The following ALLC variants were observed in gnomAD, a reference collection of about 807,000 sequenced individuals.
ALLC encodes allantoicase.
A neutral mutation model predicts 45.0 loss-of-function variants in ALLC; 40 were observed. The ratio of observed to expected loss-of-function variants is 0.89; its 90% CI spans 0.69 to 1.16. The LOEUF is 1.16. Ranked by LOEUF, ALLC falls within the 50% of genes most tolerant of loss-of-function variation. The pLI is 0.00. For missense variants in ALLC, 488 were observed against 493.1 expected (o/e 0.99, Z 0.10); for synonymous variants, 176 against 178.1 (o/e 0.99, Z 0.09).
chr2:3,697,812 T>A (rs544763919), intron 10 of ALLC, among the ~76,000 whole-genome samples: 1 of 151,368 alleles, frequency 6.6e-6, no homozygotes, highest in South Asian at 2.1e-4. Flanking sequence ...ATTACAGGCA[T>A]CCTAGACAAT....
At chr2:3,665,914 T>G (rs528029683) in intron 1 of ALLC, among the ~76,000 whole-genome samples, 1 of 152,260 alleles carries the variant, frequency 6.6e-6, no homozygotes, top group Non-Finnish European at 1.5e-5. Flanking sequence ...GAGTGAAGTG[T>G]GGAGGCTGCT....
At chr2:3,690,496 TTAAC>T (rs1422370506) in intron 7 of ALLC, among the ~76,000 whole-genome samples, 1 of 134,668 alleles carries the variant, frequency 7.4e-6, no homozygotes, top group African/African-American at 2.8e-5. Context: ...GCCTTAGTGG[TTAAC>T]TAATTTTCTC....
chr2:3,672,227 AGGAGGTCCTCTGGCTCTGGTTAGATG>A (rs1666898666), intron 2 of ALLC, among the ~76,000 whole-genome samples: 2 of 75,084 alleles, frequency 2.7e-5, no homozygotes, highest in Admixed American at 1.3e-4. Context: ...CTGGTTAGAT[AGGAGGTCCTCTGGCTCTGGTTAGATG>A]GGAGGTCCTC....
At chr2:3,674,882 T>C (rs1666981166) in intron 3 of ALLC, among the ~76,000 whole-genome samples, 1 of 152,234 alleles carries the variant, frequency 6.6e-6, no homozygotes, top group Admixed American at 6.5e-5. Context: ...CTTACCATTT[T>C]ACCACAGGTC....
At chr2:3,669,832 A>G (rs1228438494) in intron 1 of ALLC, among the ~76,000 whole-genome samples, 2 of 152,184 alleles carry the variant, frequency 1.3e-5, no homozygotes, top group East Asian at 1.9e-4. Flanking sequence ...AGGCTGAGGA[A>G]GAGCCAGAGC....
At chr2:3,690,093 G>A (rs1469691352) in intron 7 of ALLC, among the ~76,000 whole-genome samples, 4 of 148,878 alleles carry the variant, frequency 2.7e-5, no homozygotes, top group Non-Finnish European at 4.5e-5. Context: ...TATAGGTCAA[G>A]TGGGTTTCTT....
At chr2:3,659,790 A>T (rs932489660) in intron 1 of ALLC, among the ~76,000 whole-genome samples, 1 of 152,132 alleles carries the variant, frequency 6.6e-6, no homozygotes, top group Non-Finnish European at 1.5e-5. Context: ...TCTCTCGGGA[A>T]CCTCCACGGG....
At chr2:3,668,764 C>T (rs867447491) in intron 1 of ALLC, among the ~76,000 whole-genome samples, 1 of 150,628 alleles carries the variant, frequency 6.6e-6, no homozygotes, top group African/African-American at 2.4e-5. Context: ...TTAGTAGAGA[C>T]GGGGTTTCTC....
At position 3,678,462 on chromosome 2, in the gene ALLC, C is replaced by A. The variant is rs2043078; in HGVS notation, c.85-6C>A. 5.0e-3 allele frequency: 8,010 copies of A among 1,612,102 alleles called. 359 individuals carry two copies. In the African/African-American group the frequency reaches 0.092, roughly 19 times the overall value. On this transcript the variant is annotated splice_polypyrimidine_tract_variant and splice_region_variant and intron_variant, in intron 3 of 11. Coordinates refer to ENST00000252505, the MANE Select transcript of ALLC (RefSeq NM_018436.4). ...AATGATCACCTTGTTGTGGTCTTTGCCCTAGAGTGACAGCCCGTGCTTCAA... is the reference window on the plus strand; with the variant it reads ...AATGATCACCTTGTTGTGGTCTTTGACCTAGAGTGACAGCCCGTGCTTCAA...
chr2:3,666,641 C>T (rs947097753), intron 1 of ALLC, among the ~76,000 whole-genome samples: 6 of 152,264 alleles, frequency 3.9e-5, no homozygotes, highest in South Asian at 2.1e-4. Flanking sequence ...CAGGGCAGCG[C>T]GCAGTCAGCA....
At chr2:3,656,171 T>C (rs1441137058), upstream of ALLC, among the ~76,000 whole-genome samples, 1 of 152,182 alleles carries the variant, frequency 6.6e-6, no homozygotes, top group Non-Finnish European at 1.5e-5. Flanking sequence ...CGCAGGCTGA[T>C]CTCCTTGCCT....
intron 1 of ALLC, among the ~76,000 whole-genome samples, chr2:3,666,187 G>C (rs556176391): frequency 1.3e-4 from 20 of 152,318 alleles, no homozygotes; most frequent in East Asian, 5.8e-4. Context: ...CCCACCACAG[G>C]GGGGTGGCTG....
intron 2 of ALLC, among the ~76,000 whole-genome samples, chr2:3,672,661 G>A (rs1489829829): frequency 0.014 from 1,680 of 119,014 alleles, no homozygotes; most frequent in Middle Eastern, 0.022. Context: ...CTCTGGCTCT[G>A]GTTAGATGGG....
In ALLC at chr2:3,682,588, C is replaced by G. The variant is rs571437905; in HGVS notation, c.379-354C>G. On this transcript the variant is annotated intron_variant, in intron 6 of 11. Transcript: ENST00000252505. ...TGGCCCAGGCTGGAGTGCAGGGGCG[C>G]GATCTCGGCTCACTGCAAGCTCCGC... Among the ~76,000 whole-genome samples, 133 of 152,264 alleles carry G rather than the reference C, an allele frequency of 8.7e-4. 3 individuals are homozygous for G. In the South Asian group the frequency reaches 0.024, roughly 28 times the overall value.
At chr2:3,654,452 A>G (rs13423268), upstream of ALLC, among the ~76,000 whole-genome samples, 8,723 of 152,308 alleles carry the variant, frequency 0.057, 355 homozygotes, top group East Asian at 0.21. Context: ...GGATTTACCA[A>G]CGTATGAGTG....
chr2:3,668,372 C>T (rs527889726), intron 1 of ALLC, among the ~76,000 whole-genome samples: 68 of 151,974 alleles, frequency 4.5e-4, no homozygotes, highest in Admixed American at 5.2e-4. Flanking sequence ...GTGAGGAGAG[C>T]AGCTTTCATT....
In ALLC at chr2:3,697,417, G is replaced by A; in HGVS notation, c.811G>A (p.Val271Ile). The change falls in exon 10 of 12, where the codon GTA (valine) becomes ATA (isoleucine). Residue 271 changes from valine (V) to isoleucine (I), a missense_variant. Val to Ile is a conservative substitution (Grantham distance 29). Coordinates refer to ENST00000252505, the MANE Select transcript of ALLC (RefSeq NM_018436.4). ...AGTTTTCCGATTGGCACATCCTGGA[G>A]TAATAACTCGAATTGAAATTGACAC... is the stretch of plus-strand genomic sequence containing the variant. ...WAVFRLAHPG[V>I]ITRIEIDTKY... 6.2e-7 allele frequency: 1 copy of A among 1,613,936 alleles called. No homozygotes were observed. The highest frequency in any genetic ancestry group is 1.1e-5 in the South Asian group (1 of 91,082).
chr2:3,683,328 C>G (rs1171095499), intron 7 of ALLC, among the ~76,000 whole-genome samples: 1 of 152,216 alleles, frequency 6.6e-6, no homozygotes, highest in Admixed American at 6.5e-5. Flanking sequence ...TAGATCCTAA[C>G]TAGATTTCAC....
At chr2:3,670,946 G>T in intron 1 of ALLC, 150 bp from the exon 2 acceptor site, 1 of 580,238 alleles carries the variant, frequency 1.7e-6, no homozygotes, top group Non-Finnish European at 3.1e-6. Context: ...TCATTGAGCA[G>T]AGGGCACCTG....
Sources: gnomAD v4.1 joint callset for allele counts (sites outside exome capture counted in the v4.1 genomes callset) on GRCh38, gnomAD v4.1.1 for gene constraint, MANE v1.5 for transcripts, NCBI Gene and HGNC (gene_info 2026-07-23, HGNC 2026-07-21) for gene names.